The following REEP5 variants were observed in gnomAD, a reference collection of about 807,000 sequenced individuals.
REEP5 encodes receptor expression-enhancing protein 5.
REEP5 carries 24 observed loss-of-function variants against 22.4 expected under a neutral mutation model. The ratio of observed to expected loss-of-function variants is 1.07; its 90% CI spans 0.78 to 1.51. The LOEUF is 1.51. Ranked by LOEUF, REEP5 falls within the 40% of genes most tolerant of loss-of-function variation. The pLI, the probability that REEP5 is intolerant of heterozygous loss-of-function variation, is 0.00. For missense variants in REEP5, 252 were observed against 233.0 expected, an observed-to-expected ratio of 1.08 and a Z score of -0.53; for synonymous variants, 103 against 88.6, an observed-to-expected ratio of 1.16 and a Z score of -0.92.
intron 2 of REEP5, among the ~76,000 whole-genome samples, chr5:112,917,095 G>C (rs1041600383): frequency 2.0e-5 from 3 of 152,228 alleles, no homozygotes; most frequent in Admixed American, 2.0e-4. Context: ...GATTTCAAAA[G>C]TGTTGTTAAA....
intron 4 of REEP5, chr5:112,885,727 C>A: frequency 3.3e-6 from 1 of 300,188 alleles, no homozygotes; most frequent in South Asian, 4.1e-5. Flanking sequence ...ATCAGCCAAG[C>A]TTGAAGCTAT....
rs1445658302 is a variant in REEP5, at chr5:112,892,245, T to C, written c.352-5062A>G. On this transcript the variant is annotated intron_variant, in intron 3 of 4. Transcript: ENST00000379638. ...GTAAACATAATTTCCCAACATCTAG[T>C]CCTACCCTTCTTATTAAGAGCATGT... The C allele has an allele frequency of 6.2e-6, 10 of 1,613,996 alleles. No individual in the cohort carries two copies. The South Asian group carries it at 1.1e-4, about 18-fold the overall frequency.
At chr5:112,905,670 G>T (rs1768941610) in intron 2 of REEP5, among the ~76,000 whole-genome samples, 1 of 152,090 alleles carries the variant, frequency 6.6e-6, no homozygotes, top group African/African-American at 2.4e-5. Flanking sequence ...ACCCAGGCTG[G>T]AGTGCAGTGG....
chr5:112,911,887 AAAAT>A (rs1033441898), intron 2 of REEP5, among the ~76,000 whole-genome samples: 6 of 152,184 alleles, frequency 3.9e-5, no homozygotes, highest in African/African-American at 2.4e-5. Flanking sequence ...GTACAGGAAA[AAAAT>A]AATAAGACAA....
rs754971375 is a variant in REEP5 at position 112,921,210 on chromosome 5, G to A, written c.165C>T (p.Ala55=). The A allele has an allele frequency of 2.5e-6, 4 of 1,614,190 alleles. No homozygotes were observed. Among genetic ancestry groups the A allele is most frequent in the South Asian group, 1.1e-5 (1 of 91,078 alleles). ...ATCCTATCAGGTTGCAGAGGAGAGA[G>A]GCTCCATAACCGAACACCAGGTACA... ...VALYLVFGYG[A]SLLCNLIGFG... Residue 55 remains alanine (A), a synonymous_variant, in exon 2 of 5, where the codon GCC becomes GCT. Transcript: ENST00000379638.
chr5:112,909,916 A>C (rs1249382062), intron 2 of REEP5, among the ~76,000 whole-genome samples: 1 of 152,228 alleles, frequency 6.6e-6, no homozygotes. Context: ...AGAAAACCTA[A>C]GATATTCCCT....
intron 3 of REEP5, among the ~76,000 whole-genome samples, chr5:112,889,356 T>C (rs1334123359): frequency 6.6e-6 from 1 of 150,694 alleles, no homozygotes; most frequent in Non-Finnish European, 1.5e-5. Flanking sequence ...AAAATAAAGT[T>C]ATGGGAAAGA....
chr5:112,913,328 CAGAA>C (rs1275651015), intron 2 of REEP5, among the ~76,000 whole-genome samples: 2 of 120,336 alleles, frequency 1.7e-5, no homozygotes, highest in Admixed American at 8.6e-5. Context: ...GACAGACAGA[CAGAA>C]AGGAAAAGAA....
intron 1 of REEP5, 51 bp from the exon 2 acceptor site, chr5:112,921,307 G>A (rs909455379): frequency 1.3e-6 from 2 of 1,569,206 alleles, no homozygotes; most frequent in East Asian, 2.3e-5. Context: ...AGCCGTTCAC[G>A]CGGGACAGCC....
intron 4 of REEP5, 104 bp downstream of exon 4, chr5:112,886,911 G>A: frequency 1.3e-6 from 1 of 770,176 alleles, no homozygotes; most frequent in East Asian, 2.6e-5. Flanking sequence ...TTGGCATTTG[G>A]CTGAGGGGTG....
At chr5:112,895,479 T>C (rs1410797408) in intron 3 of REEP5, 3 of 114,718 alleles carry the variant, frequency 2.6e-5, no homozygotes, top group African/African-American at 1.5e-4. Flanking sequence ...ACAAGCTTAT[T>C]ATCTTTTCTG....
chr5:112,907,312 C>A (rs1239728164), intron 2 of REEP5, among the ~76,000 whole-genome samples: 1 of 152,156 alleles, frequency 6.6e-6, no homozygotes, highest in Admixed American at 6.5e-5. Context: ...ACTAACACAC[C>A]CACATACAGC....
chr5:112,905,586 A>T (rs569264377), intron 2 of REEP5, among the ~76,000 whole-genome samples: 1 of 149,456 alleles, frequency 6.7e-6, no homozygotes, highest in Non-Finnish European at 1.5e-5. Flanking sequence ...GGTTTTCTGA[A>T]TGCTATTTAC....
chr5:112,892,332 G>A, intron 3 of REEP5: 1 of 1,614,150 alleles, frequency 6.2e-7, no homozygotes, highest in Non-Finnish European at 8.5e-7. Context: ...CAAGCCTGGA[G>A]TACAGCGAGG....
At chr5:112,921,449 C>G (rs1387526740) in intron 1 of REEP5, 193 bp from the exon 2 acceptor site, 1 of 611,842 alleles carries the variant, frequency 1.6e-6, no homozygotes, top group African/African-American at 1.8e-5. Flanking sequence ...TCTGGGGATA[C>G]CAGGCAGCCC....
At chr5:112,921,131 G>C in intron 2 of REEP5, 32 bp downstream of exon 2, 2 of 1,602,762 alleles carry the variant, frequency 1.2e-6, no homozygotes, top group Non-Finnish European at 1.7e-6. Flanking sequence ...ATGGAGGAAG[G>C]GAAGGGGACG....
intron 2 of REEP5, among the ~76,000 whole-genome samples, chr5:112,906,460 G>T (rs1351423526): frequency 6.6e-6 from 1 of 152,192 alleles, no homozygotes; most frequent in African/African-American, 2.4e-5. Flanking sequence ...ACAATAGGAG[G>T]TCACAATCTT....
chr5:112,906,671 T>TA (rs1472707740), intron 2 of REEP5, among the ~76,000 whole-genome samples: 3 of 152,274 alleles, frequency 2.0e-5, no homozygotes, highest in Admixed American at 1.3e-4. Context: ...TCCTCAAACT[T>TA]AGATGATCAT....
intron 2 of REEP5, among the ~76,000 whole-genome samples, chr5:112,915,808 A>G (rs1444740268): frequency 6.6e-6 from 1 of 151,820 alleles, no homozygotes; most frequent in East Asian, 1.9e-4. Context: ...ATGGGAACAT[A>G]GGCAGCTCAG....
Sources: allele counts gnomAD v4.1 joint callset (sites outside exome capture counted in the v4.1 genomes callset), GRCh38; gene constraint gnomAD v4.1.1; transcripts MANE v1.5; gene names NCBI Gene and HGNC (gene_info 2026-07-23, HGNC 2026-07-21).